The following ACACA variants were observed in gnomAD, a reference collection of about 807,000 sequenced individuals.
ACACA encodes the protein acetyl-CoA carboxylase 1.
ACACA carries 103 observed loss-of-function variants against 296.1 expected under a neutral mutation model. That is an observed-to-expected ratio of 0.35 (90% CI 0.30 to 0.41). The LOEUF (loss-of-function observed/expected upper bound fraction) is 0.41. Among genes scored for constraint, ACACA ranks in the 10% least tolerant of loss-of-function variants. The pLI is 1.00. For synonymous variants in ACACA, 953 were observed against 1,038.6 expected (o/e 0.92, Z 1.58); for missense variants, 1,554 against 2,989.7 (o/e 0.52, Z 11.20).
In ACACA at chr17:37,086,915, T is replaced by G; in HGVS notation, c.*401A>C. On this transcript the variant is annotated 3_prime_UTR_variant, in exon 56 of 56. Transcript: ENST00000616317. ...TGGCTGCGGCTCATGGGGCCAGGAG[T>G]GAGGGGGGCTGCTCACTGCTGGGCA... 1.4e-5 allele frequency: 4 copies of G among 293,372 alleles called. No homozygotes were observed. Among genetic ancestry groups the G allele is most frequent in the South Asian group, 7.2e-5 (2 of 27,624 alleles). The allele number at this position is 293,372 out of a possible 1,614,324, so 18.2% of individuals were successfully genotyped here.
chr17:37,257,500 C>G (rs1227999204), intron 14 of ACACA, among the ~76,000 whole-genome samples: 1 of 152,088 alleles, frequency 6.6e-6, no homozygotes, highest in Non-Finnish European at 1.5e-5. Flanking sequence ...CTCAGAACAA[C>G]AAACAGAAAA....
At chr17:37,088,180 T>C (rs926652042) in intron 55 of ACACA, among the ~76,000 whole-genome samples, 2 of 152,150 alleles carry the variant, frequency 1.3e-5, no homozygotes, top group African/African-American at 4.8e-5. Flanking sequence ...CTACAGATGG[T>C]AGATATCAGA....
intron 9 of ACACA, among the ~76,000 whole-genome samples, chr17:37,271,402 C>T (rs2146403820): frequency 6.6e-6 from 1 of 152,244 alleles, no homozygotes; most frequent in Middle Eastern, 3.4e-3. Flanking sequence ...GTAATCCCAG[C>T]TACTTGGGAG....
intron 45 of ACACA, among the ~76,000 whole-genome samples, chr17:37,134,141 A>G (rs2075231028): frequency 6.6e-6 from 1 of 152,248 alleles, no homozygotes; most frequent in Admixed American, 6.5e-5. Context: ...CATAAGAAGT[A>G]CAAATGAATG....
Position 37,206,953 on chromosome 17 carries a change from G to C in ACACA, c.3852-74C>G. On this transcript the variant is annotated intron_variant, in intron 31 of 55. Transcript: ENST00000616317. ...AACTAACACTGCCATTGGCAGCTGA[G>C]TCTAAAAGAATAATCTATCTTAGCC... 3.9e-6 allele frequency: 5 copies of C among 1,273,240 alleles called. No homozygotes were observed. In the South Asian group the frequency reaches 6.0e-5, roughly 15 times the overall value. The allele number at this position is 1,273,240 out of a possible 1,614,324, so 78.9% of individuals were successfully genotyped here. A position where few individuals can be genotyped will look rare whatever the true frequency, so the allele number is the denominator to read the frequency against.
intron 2 of ACACA, among the ~76,000 whole-genome samples, chr17:37,334,153 C>A (rs957502131): frequency 6.6e-6 from 1 of 152,046 alleles, no homozygotes; most frequent in Non-Finnish European, 1.5e-5. Flanking sequence ...AAACCCACCT[C>A]GCATGGCCTG....
intron 30 of ACACA, 78 bp downstream of exon 30, chr17:37,210,389 G>T (rs962178025): frequency 1.7e-5 from 20 of 1,178,540 alleles, no homozygotes; most frequent in East Asian, 1.1e-4. Flanking sequence ...AAGTGTTGTG[G>T]TTTTTTTTTT....
chr17:37,248,749 T>A, intron 16 of ACACA, 75 bp from the exon 17 acceptor site: 1 of 1,064,792 alleles, frequency 9.4e-7, no homozygotes, highest in Non-Finnish European at 1.4e-6. Flanking sequence ...TTATTGATTG[T>A]AGCATTTCCT....
At chr17:37,291,485 A>G (rs1436549294) in intron 3 of ACACA, among the ~76,000 whole-genome samples, 1 of 152,064 alleles carries the variant, frequency 6.6e-6, no homozygotes, top group Non-Finnish European at 1.5e-5. Flanking sequence ...CAAAAATCTC[A>G]TAATATTTTA....
At chr17:37,324,284 T>C (rs1395604202) in intron 3 of ACACA, among the ~76,000 whole-genome samples, 3 of 151,826 alleles carry the variant, frequency 2.0e-5, no homozygotes, top group Non-Finnish European at 4.4e-5. Context: ...GAGAATCACA[T>C]GAACCTGGGA....
At chr17:37,288,148 AG>A (rs2082877278) in intron 3 of ACACA, among the ~76,000 whole-genome samples, 1 of 152,154 alleles carries the variant, frequency 6.6e-6, no homozygotes, top group African/African-American at 2.4e-5. Flanking sequence ...TAAACACCAG[AG>A]GTCTAAAAAC....
intron 9 of ACACA, among the ~76,000 whole-genome samples, chr17:37,273,726 C>T (rs768661711): frequency 2.0e-5 from 3 of 152,194 alleles, no homozygotes; most frequent in Admixed American, 2.0e-4. Flanking sequence ...CTGAATGTTG[C>T]TACACACTTA....
chr17:37,189,786 C>T (rs1026903175), intron 38 of ACACA, among the ~76,000 whole-genome samples: 1 of 152,118 alleles, frequency 6.6e-6, no homozygotes, highest in Non-Finnish European at 1.5e-5. Context: ...CTGTCCTTGG[C>T]GTTCCTTACA....
At chr17:37,186,775 T>C (rs1441387686) in intron 39 of ACACA, among the ~76,000 whole-genome samples, 1 of 152,156 alleles carries the variant, frequency 6.6e-6, no homozygotes, top group Admixed American at 6.5e-5. Flanking sequence ...ATGCTTATTG[T>C]GTGCTTATTT....
At chr17:37,326,533 A>G (rs1414791937) in intron 3 of ACACA, among the ~76,000 whole-genome samples, 3 of 151,850 alleles carry the variant, frequency 2.0e-5, no homozygotes, top group Non-Finnish European at 4.4e-5. Flanking sequence ...CTCCGTCTCA[A>G]AAGAAAAAAA....
At chr17:37,298,977 C>A (rs992513924) in intron 3 of ACACA, among the ~76,000 whole-genome samples, 11 of 152,192 alleles carry the variant, frequency 7.2e-5, no homozygotes, top group East Asian at 5.8e-4. Flanking sequence ...AAATCTGATA[C>A]ATCTGAGGTT....
At chr17:37,131,905 G>A (rs896869429) in intron 45 of ACACA, among the ~76,000 whole-genome samples, 1 of 152,228 alleles carries the variant, frequency 6.6e-6, no homozygotes, top group Non-Finnish European at 1.5e-5. Context: ...CAGCTCCTTT[G>A]AAGGAGCCTC....
intron 3 of ACACA, among the ~76,000 whole-genome samples, chr17:37,296,654 C>G (rs1425223782): frequency 6.6e-6 from 1 of 151,786 alleles, no homozygotes; most frequent in Non-Finnish European, 1.5e-5. Flanking sequence ...GGCTCTGCCC[C>G]ATGATCTACT....
intron 50 of ACACA, among the ~76,000 whole-genome samples, chr17:37,118,675 G>T (rs2074375383): frequency 6.6e-6 from 1 of 152,136 alleles, no homozygotes; most frequent in African/African-American, 2.4e-5. Flanking sequence ...TCCCAACTCT[G>T]CCATTTTGTA....
Sources: allele counts gnomAD v4.1 joint callset (sites outside exome capture counted in the v4.1 genomes callset), GRCh38; gene constraint gnomAD v4.1.1; transcripts MANE v1.5; gene names NCBI Gene and HGNC (gene_info 2026-07-23, HGNC 2026-07-21).